Variants in TESK2 observed in about 807,000 individuals in gnomAD.
TESK2 encodes the protein testis associated actin remodelling kinase 2.
In TESK2, 39 loss-of-function variants were observed where a neutral mutation model predicts 57.1. That is an observed-to-expected ratio of 0.68 (90% CI 0.53 to 0.89). TESK2 has a LOEUF of 0.89. TESK2 is among the 40% of genes least tolerant of loss of function. TESK2 has a pLI of 0.00. For synonymous variants in TESK2, 249 were observed against 267.9 expected (o/e 0.93, Z 0.69); for missense variants, 646 against 732.1 (o/e 0.88, Z 1.36).
chr1:45,393,177 T>C (rs1373328761), intron 3 of TESK2, among the ~76,000 whole-genome samples: 1 of 152,164 alleles, frequency 6.6e-6, no homozygotes, highest in Admixed American at 6.5e-5. Context: ...CCCTTGCTTT[T>C]CTTCCTCCCA....
At chr1:45,417,454 A>T (rs1570708177) in intron 3 of TESK2, among the ~76,000 whole-genome samples, 1 of 151,652 alleles carries the variant, frequency 6.6e-6, no homozygotes, top group South Asian at 2.1e-4. Context: ...CTGGTCTCGA[A>T]CTCCCGACTC....
Position 45,347,923 on chromosome 1 carries a change from A to G in TESK2, c.618T>C (p.Asp206=). 1 of 1,612,184 alleles carries G rather than the reference A, an allele frequency of 6.2e-7. No individual in the cohort carries two copies. Among genetic ancestry groups the G allele is most frequent in the Non-Finnish European group, 8.5e-7 (1 of 1,178,202 alleles). The change falls in exon 6 of 11, where the codon GAT becomes GAC. Residue 206 remains aspartate, a synonymous_variant. Transcript: ENST00000372086. ...ADFGLAEKIP[D]VSMGSEKLAV... is the part of the protein sequence containing the mutation. ...CATCCAGTAGGGCTACACACCTGAC[A>G]TCGGGGATCTTCTCAGCCAGGCCAA...
chr1:45,383,121 G>T (rs1442095154), intron 4 of TESK2, among the ~76,000 whole-genome samples: 1 of 152,216 alleles, frequency 6.6e-6, no homozygotes, highest in African/African-American at 2.4e-5. Flanking sequence ...GAAGAGAAAT[G>T]AAGAATGGTA....
intron 3 of TESK2, among the ~76,000 whole-genome samples, chr1:45,400,890 C>T (rs907845745): frequency 6.6e-6 from 1 of 151,770 alleles, no homozygotes; most frequent in Non-Finnish European, 1.5e-5. Context: ...GATGTGGTGG[C>T]ACACACCTGT....
At chr1:45,351,913 G>A (rs2149263953) in intron 5 of TESK2, among the ~76,000 whole-genome samples, 1 of 152,320 alleles carries the variant, frequency 6.6e-6, no homozygotes, top group East Asian at 1.9e-4. Context: ...AACTCATGCT[G>A]GTGGGAGATA....
At position 45,344,830 on chromosome 1, in the gene TESK2, C is replaced by CTA. The variant is rs1647114314; in HGVS notation, c.*8_*9dup. ...GTCCATCCCCAAGGTGAGGCAGGGA[C>CTA]TAAACCCCCTCACCCATCCTGCTTT... On this transcript the variant is annotated 3_prime_UTR_variant, in exon 11 of 11. Coordinates refer to ENST00000372086, the MANE Select transcript of TESK2 (RefSeq NM_007170.3). The CTA allele has an allele frequency of 1.2e-6, 2 of 1,605,604 alleles. No homozygotes were observed. The highest frequency in any genetic ancestry group is 4.4e-4 in the Middle Eastern group (2 of 4,586).
At chr1:45,396,121 T>G (rs941427786) in intron 3 of TESK2, among the ~76,000 whole-genome samples, 1 of 151,970 alleles carries the variant, frequency 6.6e-6, no homozygotes, top group African/African-American at 2.4e-5. Flanking sequence ...TTTTATTTAT[T>G]TTTATTTTGA....
chr1:45,449,601 G>A (rs1042613288), intron 2 of TESK2, among the ~76,000 whole-genome samples: 5 of 152,124 alleles, frequency 3.3e-5, no homozygotes, highest in Admixed American at 2.0e-4. Context: ...AGAGTGTGGT[G>A]ATGCATAATT....
chr1:45,346,133 T>C (rs1228991130), intron 9 of TESK2, 139 bp from the exon 10 acceptor site: 1 of 694,408 alleles, frequency 1.4e-6, no homozygotes, highest in Non-Finnish European at 2.5e-6. Flanking sequence ...ACAATGAAGG[T>C]GATCCCTACA....
chr1:45,478,295 T>C (rs1653080357), intron 1 of TESK2, among the ~76,000 whole-genome samples: 1 of 152,168 alleles, frequency 6.6e-6, no homozygotes, highest in Non-Finnish European at 1.5e-5. Context: ...TCAATCTCAT[T>C]TTCTGTGCTT....
chr1:45,415,495 C>G (rs180712059), intron 3 of TESK2, among the ~76,000 whole-genome samples: 2 of 152,224 alleles, frequency 1.3e-5, no homozygotes, highest in East Asian at 3.9e-4. Context: ...TGTTCCCTTC[C>G]ATGCATAGCT....
intron 2 of TESK2, among the ~76,000 whole-genome samples, chr1:45,456,331 C>T (rs977477001): frequency 4.6e-5 from 7 of 152,074 alleles, no homozygotes; most frequent in East Asian, 1.9e-4. Context: ...CCAGCCTGGC[C>T]GAAATGGTGA....
chr1:45,363,509 G>A (rs1456619109), intron 4 of TESK2, among the ~76,000 whole-genome samples: 1 of 152,126 alleles, frequency 6.6e-6, no homozygotes, highest in African/African-American at 2.4e-5. Context: ...GCTTATAAAA[G>A]TCTGACTCCT....
intron 3 of TESK2, among the ~76,000 whole-genome samples, chr1:45,407,814 T>C (rs772748138): frequency 9.9e-5 from 15 of 152,192 alleles, no homozygotes; most frequent in Non-Finnish European, 1.8e-4. Context: ...GGGTGTGTCT[T>C]TATTAGCAGC....
intron 3 of TESK2, among the ~76,000 whole-genome samples, chr1:45,417,279 T>A (rs1331324008): frequency 6.6e-6 from 1 of 152,026 alleles, no homozygotes; most frequent in Non-Finnish European, 1.5e-5. Context: ...TTGCCCAGGC[T>A]GGAACGCAAT....
chr1:45,347,883 TC>T (rs1223201462), intron 6 of TESK2, 34 bp downstream of exon 6: 4 of 1,562,770 alleles, frequency 2.6e-6, no homozygotes, highest in Non-Finnish European at 3.5e-6. Context: ...CAGCCCCCTG[TC>T]CCTTGGACCC....
chr1:45,357,957 T>C (rs576629280), intron 4 of TESK2, among the ~76,000 whole-genome samples: 69 of 142,568 alleles, frequency 4.8e-4, no homozygotes, highest in Non-Finnish European at 7.6e-4. Flanking sequence ...TAAGCCGAGA[T>C]TGCACCATTG....
At chr1:45,483,820 A>G (rs1653338234) in intron 1 of TESK2, among the ~76,000 whole-genome samples, 1 of 148,966 alleles carries the variant, frequency 6.7e-6, no homozygotes, top group African/African-American at 2.5e-5. Flanking sequence ...CAACATAGGG[A>G]GGCCCTGTCT....
intron 2 of TESK2, among the ~76,000 whole-genome samples, chr1:45,457,263 T>C (rs1652144664): frequency 6.6e-6 from 1 of 151,984 alleles, no homozygotes; most frequent in South Asian, 2.1e-4. Flanking sequence ...GAATTGTTAA[T>C]AGTGGTTATT....
Sources: gnomAD v4.1 joint callset for allele counts (sites outside exome capture counted in the v4.1 genomes callset) on GRCh38, gnomAD v4.1.1 for gene constraint, MANE v1.5 for transcripts, NCBI Gene and HGNC (gene_info 2026-07-23, HGNC 2026-07-21) for gene names.